Variants in SRCAP observed in about 807,000 individuals in gnomAD.
SRCAP encodes the protein Snf2 related CREBBP activator protein, also known as chromatin remodeling protein SRCAP.
In SRCAP, 46 loss-of-function variants were observed where a neutral mutation model predicts 263.1. That is an observed-to-expected ratio of 0.17 (90% confidence interval 0.14 to 0.22). The LOEUF (loss-of-function observed/expected upper bound fraction) is 0.22. Ranked by LOEUF, SRCAP falls within the 10% of genes least tolerant of loss-of-function variation. The pLI, the probability that SRCAP is intolerant of heterozygous loss-of-function variation, is 1.00. For missense variants in SRCAP, 3,695 were observed against 4,181.9 expected, an observed-to-expected ratio of 0.88 and a Z score of 3.21; for synonymous variants, 1,813 against 1,662.1, an observed-to-expected ratio of 1.09 and a Z score of -2.21.
At chr16:30,707,094 C>A (rs773294088) in intron 4 of SRCAP, 89 bp from the exon 5 acceptor site, 1 of 1,349,020 alleles carries the variant, frequency 7.4e-7, no homozygotes, top group Non-Finnish European at 1.0e-6. Context: ...ATAACACACT[C>A]AGCCCACTTA....
chr16:30,729,541 C>G lies in SRCAP; in HGVS notation c.6096C>G (p.Phe2032Leu). The stretch of plus-strand genomic sequence containing the variant: ...TTGTGTGTAACATGCGCACCCAGTT[C>G]CCTGACTTAAGACTCATCCAGTATG... Reference protein sequence around the residue: ...HRIVCNMRTQFPDLRLIQYDC... With the variant: ...HRIVCNMRTQLPDLRLIQYDC... Residue 2032 changes from phenylalanine (F) to leucine (L), a missense_variant, in exon 27 of 34, where the codon TTC becomes TTG. Physicochemically the swap from Phe to Leu is conservative, Grantham distance 22. Coordinates refer to ENST00000262518, the MANE Select transcript of SRCAP (RefSeq NM_006662.3). 6.2e-7 allele frequency: 1 copy of G among 1,614,166 alleles called. No individual in the cohort carries two copies. Among genetic ancestry groups the G allele is most frequent in the Non-Finnish European group, 8.5e-7 (1 of 1,180,038 alleles).
chr16:30,723,358 C>T (rs1159479468), intron 24 of SRCAP, 129 bp downstream of exon 24: 3 of 1,437,196 alleles, frequency 2.1e-6, no homozygotes, highest in African/African-American at 2.9e-5. Flanking sequence ...TAGTGGGCCC[C>T]AGAACTGGGC....
chr16:30,715,950 G>A, intron 16 of SRCAP, 116 bp from the exon 17 acceptor site: 1 of 1,339,950 alleles, frequency 7.5e-7, no homozygotes, highest in Non-Finnish European at 1.0e-6. Context: ...TCATCTTTGT[G>A]TGGTTGGTGT....
At chr16:30,718,252 T>G (rs978336723) in intron 18 of SRCAP, among the ~76,000 whole-genome samples, 3 of 152,030 alleles carry the variant, frequency 2.0e-5, no homozygotes. Context: ...TCTCAGCTCA[T>G]TGCAACCTCT....
chr16:30,736,444 G>T, intron 32 of SRCAP, 50 bp downstream of exon 32: 1 of 1,606,246 alleles, frequency 6.2e-7, no homozygotes, highest in Non-Finnish European at 8.5e-7. Flanking sequence ...CCCTGGGCTT[G>T]TGACCCTCCT....
intron 18 of SRCAP, 112 bp from the exon 19 acceptor site, chr16:30,720,050 G>A (rs569435176): frequency 2.4e-6 from 3 of 1,248,496 alleles, no homozygotes; most frequent in East Asian, 4.7e-5. Flanking sequence ...GTGGTATTTG[G>A]TTTTCTGTTT....
rs1485801425 is a variant in SRCAP, at chr16:30,716,431, C to T, written c.2769C>T (p.Phe923=). 1.9e-6 allele frequency: 3 copies of T among 1,614,230 alleles called. No homozygotes were observed. The highest frequency in any genetic ancestry group is 2.7e-5 in the African/African-American group (2 of 75,058). The change falls in exon 18 of 34, where the codon TTC becomes TTT. Residue 923 remains phenylalanine, a synonymous_variant. Coordinates refer to ENST00000262518, the MANE Select transcript of SRCAP (RefSeq NM_006662.3). ...TSPFITPGIC[F]STASLVLRAT... is the part of the protein sequence containing the mutation. ...CTTTCATCACCCCAGGCATCTGCTT[C>T]AGCACCGCCTCTCTGGTGCTAAGGG...
Position 30,737,882 on chromosome 16 carries a change from C to T in SRCAP, c.7842C>T (p.Gly2614=), listed in dbSNP as rs2053176521. The T allele has an allele frequency of 3.1e-6, 5 of 1,614,190 alleles. No individual in the cohort carries two copies. The highest frequency in any genetic ancestry group is 3.4e-6 in the Non-Finnish European group (4 of 1,180,040). The change falls in exon 34 of 34, where the codon GGC becomes GGT. Residue 2614 remains glycine (G), a synonymous_variant. Coordinates refer to ENST00000262518, the MANE Select transcript of SRCAP (RefSeq NM_006662.3). ...PSAPSLTLEA[G]SIPNGQEQEA... is the part of the protein sequence containing the mutation. The stretch of plus-strand genomic sequence containing the variant: ...CACCCAGCCTGACCTTGGAGGCTGG[C>T]AGCATCCCCAATGGTCAAGAGCAGG...
chr16:30,716,580 G>A (rs1047920627), intron 18 of SRCAP, 101 bp downstream of exon 18: 12 of 1,015,620 alleles, frequency 1.2e-5, no homozygotes, highest in African/African-American at 1.6e-5. Flanking sequence ...GCATCCTCAT[G>A]ACTCCCCTAT....
chr16:30,711,802 T>C (rs763864107), intron 11 of SRCAP, 33 bp from the exon 12 acceptor site: 14 of 1,611,314 alleles, frequency 8.7e-6, no homozygotes, highest in Non-Finnish European at 1.2e-5. Context: ...AGAGCAGGTA[T>C]GATGAGCAGT....
At chr16:30,717,815 G>T (rs2052967860) in intron 18 of SRCAP, among the ~76,000 whole-genome samples, 1 of 151,404 alleles carries the variant, frequency 6.6e-6, no homozygotes, top group African/African-American at 2.4e-5. Context: ...CACCATGTTT[G>T]CCAGGATGGT....
chr16:30,731,129 C>G (rs1264475005), intron 27 of SRCAP, among the ~76,000 whole-genome samples: 1 of 152,214 alleles, frequency 6.6e-6, no homozygotes, highest in African/African-American at 2.4e-5. Flanking sequence ...AGACAAAACA[C>G]TCTGAGAAGG....
chr16:30,703,991 AT>A (rs1596640323), intron 3 of SRCAP, 72 bp from the exon 4 acceptor site: 1 of 1,502,992 alleles, frequency 6.7e-7, no homozygotes, highest in Non-Finnish European at 8.9e-7. Context: ...TGAAGATCGG[AT>A]GAAATAATGT....
chr16:30,707,520 G>A lies in SRCAP; in HGVS notation c.493-52G>A, dbSNP rs181335500. 1.7e-3 allele frequency: 2,689 copies of A among 1,607,772 alleles called. 4 individuals carry two copies. Among genetic ancestry groups the A allele is most frequent in the Non-Finnish European group, 2.0e-3 (2,399 of 1,177,444 alleles). ...GCCTTGATTATTTTCTTTGCCTTTGGGTGGGGAAGTCTGGCTTTGAGTGTT... is the reference window on the plus strand; with the variant it reads ...GCCTTGATTATTTTCTTTGCCTTTGAGTGGGGAAGTCTGGCTTTGAGTGTT... On this transcript the variant is annotated intron_variant, in intron 5 of 33. Coordinates refer to ENST00000262518, the MANE Select transcript of SRCAP (RefSeq NM_006662.3).
intron 25 of SRCAP, among the ~76,000 whole-genome samples, chr16:30,727,367 CA>C (rs1160988897): frequency 1.3e-5 from 2 of 152,160 alleles, no homozygotes; most frequent in African/African-American, 4.8e-5. Context: ...ATTCTGATTA[CA>C]GATCCTTTTT....
chr16:30,737,748 G>T lies in SRCAP; in HGVS notation c.7708G>T (p.Ala2570Ser). Residue 2570 changes from alanine (A) to serine (S), a missense_variant, in exon 34 of 34, where the codon GCC (alanine) becomes TCC (serine). Ala to Ser is a moderately conservative substitution (Grantham distance 99). Transcript: ENST00000262518. Reference sequence around the variant, plus strand: ...AGAGTCCCTGGAGCTGGCTTCTGTGGCCAGTTCAGAAACCTCCTCACTTTC... The same window carrying T: ...AGAGTCCCTGGAGCTGGCTTCTGTGTCCAGTTCAGAAACCTCCTCACTTTC... ...SPESLELASV[A>S]SSETSSLSLV... 2 of 1,614,184 alleles carry T rather than the reference G, an allele frequency of 1.2e-6. No individual in the cohort carries two copies. The highest frequency in any genetic ancestry group is 1.7e-6 in the Non-Finnish European group (2 of 1,180,038).
chr16:30,722,882 TCTC>T (rs1385082059), intron 23 of SRCAP, 78 bp from the exon 24 acceptor site: 21 of 1,550,184 alleles, frequency 1.4e-5, no homozygotes, highest in Admixed American at 1.9e-5. Context: ...TCTGCCACCT[TCTC>T]CTGCCCCTGG....
chr16:30,710,427 G>T, intron 8 of SRCAP: 1 of 671,144 alleles, frequency 1.5e-6, no homozygotes, highest in Non-Finnish European at 2.7e-6. Flanking sequence ...ATGCCCTAAT[G>T]TTCCCTTATT....
chr16:30,714,507 C>CTTTTTTTTTTTTTTTTTTTTTTTTTTT (rs749242748), intron 16 of SRCAP, among the ~76,000 whole-genome samples: 1 of 100,000 alleles, frequency 1.0e-5, no homozygotes, highest in African/African-American at 4.0e-5. Context: ...CCGTGCCGGG[C>CTTTTTTTTTTTTTTTTTTTTTTTTTTT]TTTTTTTTTT....
Sources: gnomAD v4.1 joint callset for allele counts (sites outside exome capture counted in the v4.1 genomes callset) on GRCh38, gnomAD v4.1.1 for gene constraint, MANE v1.5 for transcripts, NCBI Gene and HGNC (gene_info 2026-07-23, HGNC 2026-07-21) for gene names.